The following LRPAP1 variants were observed in gnomAD, a reference collection of about 807,000 sequenced individuals.
LRPAP1 encodes LDL receptor related protein associated protein 1.
A neutral mutation model predicts 39.9 loss-of-function variants in LRPAP1; 41 were observed. That is an observed-to-expected ratio of 1.03 (90% CI 0.80 to 1.33). The LOEUF is 1.33. Ranked by LOEUF, LRPAP1 falls within the 40% of genes most tolerant of loss-of-function variation. LRPAP1 has a pLI of 0.00. For missense variants in LRPAP1, 565 were observed against 482.3 expected (o/e 1.17, Z -1.61); for synonymous variants, 263 against 212.7 (o/e 1.24, Z -2.06).
In LRPAP1 at chr4:3,503,704, G is replaced by T. The variant is rs1402938219; in HGVS notation, c.*9270C>A. ...ATGTGGTTAGTGTGGTACGTTGAGG[G>T]AAACTTATAACCTCACGCGCTTGTT... is the stretch of plus-strand genomic sequence containing the variant. On this transcript the variant is annotated 3_prime_UTR_variant, in exon 8 of 8. Transcript: ENST00000650182. The T allele has an allele frequency of 6.6e-6, 1 of 152,244 alleles. No homozygotes were observed. 9.4% of individuals were successfully genotyped at this position (152,244 alleles called of 1,614,324 possible). A position where few individuals can be genotyped will look rare whatever the true frequency, so the allele number is the denominator to read the frequency against.
At chr4:3,514,641 A>C (rs1729633730) in intron 7 of LRPAP1, 111 bp downstream of exon 7, 1 of 1,364,266 alleles carries the variant, frequency 7.3e-7, no homozygotes, top group East Asian at 2.4e-5. Context: ...CAGGGAAGAC[A>C]GCAGCGTGGG....
At chr4:3,528,567 C>T (rs1076898) in intron 1 of LRPAP1, among the ~76,000 whole-genome samples, 16,266 of 152,260 alleles carry the variant, frequency 0.11, 1,077 homozygotes, top group East Asian at 0.24. Context: ...GCCACCAGGA[C>T]CGCCAATGGA....
Position 3,532,420 on chromosome 4 carries a change from T to C in LRPAP1, c.-8A>G. 2 of 1,555,182 alleles carry C rather than the reference T, an allele frequency of 1.3e-6. No individual in the cohort carries two copies. Among genetic ancestry groups the C allele is most frequent in the South Asian group, 1.2e-5 (1 of 85,344 alleles). On this transcript the variant is annotated 5_prime_UTR_variant, in exon 1 of 8. Transcript: ENST00000650182. ...GACCCTCCGCGGCGCCATCTTCCTC[T>C]GCGACTGGCGCTGCGCGGAGAAAAC...
rs888675695 is a variant in LRPAP1 at position 3,510,146 on chromosome 4, C to T, written c.*2828G>A. 28 of 152,108 alleles carry T rather than the reference C, an allele frequency of 1.8e-4. No individual in the cohort carries two copies. The highest frequency in any genetic ancestry group is 6.3e-4 in the African/African-American group (26 of 41,392). 9.4% of individuals were successfully genotyped at this position (152,108 alleles called of 1,614,324 possible). ...ACTGTAGCCAAGACAGTGTGGCGGC[C>T]GGGCACCATGGCTCACACCTACAAC... On this transcript the variant is annotated 3_prime_UTR_variant, in exon 8 of 8. Transcript: ENST00000650182.
chr4:3,530,426 A>G (rs914688651), intron 1 of LRPAP1, among the ~76,000 whole-genome samples: 3 of 152,238 alleles, frequency 2.0e-5, no homozygotes, highest in African/African-American at 7.2e-5. Context: ...AAAATCCCCC[A>G]AAACACCCTC....
intron 2 of LRPAP1, 59 bp downstream of exon 2, chr4:3,524,848 G>T (rs544760352): frequency 5.7e-6 from 9 of 1,577,402 alleles, no homozygotes; most frequent in African/African-American, 1.3e-5. Context: ...AAACACTGCC[G>T]CTCTCAAGCA....
intron 2 of LRPAP1, among the ~76,000 whole-genome samples, chr4:3,521,916 G>A (rs933645224): frequency 4.6e-5 from 7 of 152,328 alleles, no homozygotes; most frequent in Non-Finnish European, 1.0e-4. Context: ...CAGGAGGGCC[G>A]TCTGAACCCA....
chr4:3,516,288 C>T, intron 5 of LRPAP1, 90 bp from the exon 6 acceptor site: 1 of 1,003,348 alleles, frequency 1.0e-6, no homozygotes, highest in Non-Finnish European at 1.5e-6. Flanking sequence ...GTGCGTGGAG[C>T]CTATGAGGGT....
Position 3,520,809 on chromosome 4 carries a change from C to A in LRPAP1, c.350-616G>T, listed in dbSNP as rs530973536. ...GGAGGAATAAATAGTCTGCAGTGTGCTGTGGCCCAGCCACTCGGGGAGCCC... is the reference window on the plus strand; with the variant it reads ...GGAGGAATAAATAGTCTGCAGTGTGATGTGGCCCAGCCACTCGGGGAGCCC... On this transcript the variant is annotated intron_variant, in intron 2 of 7. Coordinates refer to ENST00000650182, the MANE Select transcript of LRPAP1 (RefSeq NM_002337.4). Among the ~76,000 whole-genome samples the A allele has an allele frequency of 5.9e-5, 9 of 152,360 alleles. No individual in the cohort carries two copies. The South Asian group carries it at 1.9e-3, about 32-fold the overall frequency.
rs143257814 is a variant in LRPAP1 at position 3,518,965 on chromosome 4, G to C, written c.498C>G (p.Gly166=). ...HKAKTSGKFS[G]EELDKLWREF... is the part of the protein sequence containing the mutation. ...CCCGCCAGAGCTTGTCCAGTTCTTCGCCGGAGAATTTCCCAGAGGTCTTCG... is the reference window on the plus strand; with the variant it reads ...CCCGCCAGAGCTTGTCCAGTTCTTCCCCGGAGAATTTCCCAGAGGTCTTCG... Residue 166 remains glycine, a synonymous_variant, in exon 4 of 8, where the codon GGC becomes GGG. Coordinates refer to ENST00000650182, the MANE Select transcript of LRPAP1 (RefSeq NM_002337.4). 2.5e-6 allele frequency: 4 copies of C among 1,613,870 alleles called. No homozygotes were observed. The highest frequency in any genetic ancestry group is 3.4e-6 in the Non-Finnish European group (4 of 1,179,960).
intron 5 of LRPAP1, among the ~76,000 whole-genome samples, chr4:3,516,894 TG>T (rs1295453237): frequency 6.6e-6 from 1 of 152,156 alleles, no homozygotes; most frequent in Non-Finnish European, 1.5e-5. Flanking sequence ...TGGGGCTTGC[TG>T]GAAGGCCCAG....
chr4:3,522,464 G>T (rs1030938563), intron 2 of LRPAP1, among the ~76,000 whole-genome samples: 1 of 145,836 alleles, frequency 6.9e-6, no homozygotes, highest in African/African-American at 2.5e-5. Flanking sequence ...CAGGAGCACC[G>T]AGCCCTTAGA....
intron 2 of LRPAP1, among the ~76,000 whole-genome samples, chr4:3,522,534 CCA>C (rs1491329045): frequency 1.4e-5 from 2 of 148,098 alleles, no homozygotes; most frequent in Non-Finnish European, 3.0e-5. Flanking sequence ...GGACGTCATC[CCA>C]CACGCCCTGC....
At chr4:3,514,426 GGA>G (rs10549083) in intron 7 of LRPAP1, among the ~76,000 whole-genome samples, 28,890 of 152,140 alleles carry the variant, frequency 0.19, 3,713 homozygotes, top group East Asian at 0.55. Context: ...CTCAAAGGCT[GGA>G]GAGTGCCCTG....
rs1729395479 is a variant in LRPAP1, at chr4:3,507,739, T to C, written c.*5235A>G. The C allele has an allele frequency of 6.7e-6, 1 of 148,824 alleles. No homozygotes were observed. The highest frequency in any genetic ancestry group is 2.1e-4 in the South Asian group (1 of 4,696). 9.2% of individuals were successfully genotyped at this position (148,824 alleles called of 1,614,324 possible). A position where few individuals can be genotyped will look rare whatever the true frequency, so the allele number is the denominator to read the frequency against. On this transcript the variant is annotated 3_prime_UTR_variant, in exon 8 of 8. Coordinates refer to ENST00000650182, the MANE Select transcript of LRPAP1 (RefSeq NM_002337.4). ...TTCATAAGAAAAGAGCAAAAGTCAA[T>C]GAAAAAGAAAACAATAGAAAAAAAA...
chr4:3,504,172 G>A lies in LRPAP1; in HGVS notation c.*8802C>T, dbSNP rs1188904890. 6.6e-6 allele frequency: 1 copy of A among 152,314 alleles called. No homozygotes were observed. Among genetic ancestry groups the A allele is most frequent in the African/African-American group, 2.4e-5 (1 of 41,474 alleles). The allele number at this position is 152,314 out of a possible 1,614,324, so 9.4% of individuals were successfully genotyped here. A position where few individuals can be genotyped will look rare whatever the true frequency, so the allele number is the denominator to read the frequency against. On this transcript the variant is annotated 3_prime_UTR_variant, in exon 8 of 8. Transcript: ENST00000650182. ...GGAAAGTGCTCACCTGGCAAGATCTGGCCTGCGGCCCTTCAGGGGTCAGCA... is the reference window on the plus strand; with the variant it reads ...GGAAAGTGCTCACCTGGCAAGATCTAGCCTGCGGCCCTTCAGGGGTCAGCA...
chr4:3,516,061 C>A, intron 6 of LRPAP1, 55 bp downstream of exon 6: 2 of 1,510,064 alleles, frequency 1.3e-6, no homozygotes, highest in South Asian at 1.2e-5. Context: ...CCGGAAACTG[C>A]AAGAGAATCT....
intron 3 of LRPAP1, 105 bp downstream of exon 3, chr4:3,519,967 A>G: frequency 7.1e-7 from 1 of 1,404,720 alleles, no homozygotes; most frequent in East Asian, 2.3e-5. Context: ...GACTTTCCCA[A>G]ACCCCGGCTC....
rs990178645 is a variant in LRPAP1 at position 3,509,997 on chromosome 4, G to T, written c.*2977C>A. The stretch of plus-strand genomic sequence containing the variant: ...TTCCAGAAGGCATGTTTTTTTGGTA[G>T]AAATTGAGACACTGATTGTAAAACA... On this transcript the variant is annotated 3_prime_UTR_variant, in exon 8 of 8. Transcript: ENST00000650182. The T allele has an allele frequency of 6.6e-6, 1 of 152,196 alleles. No homozygotes were observed. Among genetic ancestry groups the T allele is most frequent in the African/African-American group, 2.4e-5 (1 of 41,454 alleles). The allele number at this position is 152,196 out of a possible 1,614,324, so 9.4% of individuals were successfully genotyped here. A position where few individuals can be genotyped will look rare whatever the true frequency, so the allele number is the denominator to read the frequency against.
Sources: gnomAD v4.1 joint callset for allele counts (sites outside exome capture counted in the v4.1 genomes callset) on GRCh38, gnomAD v4.1.1 for gene constraint, MANE v1.5 for transcripts, NCBI Gene and HGNC (gene_info 2026-07-23, HGNC 2026-07-21) for gene names.